Variants in OGG1 observed in about 807,000 individuals in gnomAD.
The protein encoded by OGG1 is 8-oxoguanine DNA glycosylase, also known as N-glycosylase/DNA lyase.
In OGG1, 35 loss-of-function variants were observed where a neutral mutation model predicts 42.3. The ratio of observed to expected loss-of-function variants is 0.83; its 90% CI spans 0.63 to 1.10. The LOEUF is 1.10. OGG1 is among the 50% of genes least tolerant of loss of function. The pLI is 0.00. For synonymous variants in OGG1, 189 were observed against 179.0 expected (o/e 1.06, Z -0.44); for missense variants, 484 against 446.7 (o/e 1.08, Z -0.75).
intron 3 of OGG1, chr3:9,786,928 T>C (rs931551202): frequency 7.4e-7 from 1 of 1,350,124 alleles, no homozygotes; most frequent in Non-Finnish European, 1.0e-6. Context: ...AAATGTATGA[T>C]AAATTCCGAT....
downstream of OGG1, chr3:9,762,060 C>G (rs2077903443): frequency 3.7e-6 from 1 of 272,304 alleles, no homozygotes; most frequent in South Asian, 4.8e-5. Flanking sequence ...TAATGCCATC[C>G]TCACTGCTTC....
In OGG1 at chr3:9,754,759, C is replaced by T. The variant is rs761255746; in HGVS notation, c.621C>T (p.Tyr207=). The change falls in exon 4 of 7, where the codon TAC becomes TAT. Residue 207 remains tyrosine, a synonymous_variant. Transcript: ENST00000344629. ...TGGGCCTGGGCTATCGTGCCCGTTACGTGAGTGCCAGTGCCCGAGCCATCC... is the reference window on the plus strand; with the variant it reads ...TGGGCCTGGGCTATCGTGCCCGTTATGTGAGTGCCAGTGCCCGAGCCATCC... The part of the protein sequence containing the change: ...RKLGLGYRAR[Y]VSASARAILE... The T allele has an allele frequency of 1.9e-5, 30 of 1,614,052 alleles. No homozygotes were observed. In the South Asian group the frequency reaches 1.9e-4, roughly 10 times the overall value.
chr3:9,777,787 C>CT (rs965148633), intron 2 of OGG1, among the ~76,000 whole-genome samples: 2 of 152,162 alleles, frequency 1.3e-5, no homozygotes, highest in African/African-American at 4.8e-5. Flanking sequence ...TGTCTCTGTT[C>CT]TTGGAACTCT....
At chr3:9,759,053 T>G, downstream of OGG1, 1 of 782,330 alleles carries the variant, frequency 1.3e-6, no homozygotes. Context: ...GCCCCTTACC[T>G]GCTTCTCTAA....
At position 9,774,183 on chromosome 3, in the gene OGG1, A is replaced by G. The variant is rs2125607064; in HGVS notation, c.295-7330A>G. Among the ~76,000 whole-genome samples, 4 of 152,240 alleles carry G rather than the reference A, an allele frequency of 2.6e-5. 1 individual carries two copies. In the South Asian group the frequency reaches 8.3e-4, roughly 32 times the overall value. On this transcript the variant is annotated intron_variant, in intron 2 of 3. Coordinates refer to the OGG1 transcript ENST00000426518. ...CAGCACTTTGGGAGGCCAAGGCAGAAGGATCACCTGAGGTCAGGAGTTCAA... is the reference window on the plus strand; with the variant it reads ...CAGCACTTTGGGAGGCCAAGGCAGAGGGATCACCTGAGGTCAGGAGTTCAA...
chr3:9,753,660 A>G (rs1253941989), intron 3 of OGG1, among the ~76,000 whole-genome samples: 2 of 152,060 alleles, frequency 1.3e-5, no homozygotes, highest in Non-Finnish European at 2.9e-5. Context: ...TCTCAACAAA[A>G]AAAAAAAGAA....
chr3:9,770,286 T>A (rs555867439), downstream of OGG1, among the ~76,000 whole-genome samples: 2 of 152,242 alleles, frequency 1.3e-5, no homozygotes, highest in South Asian at 4.1e-4. Flanking sequence ...CCTGGTGGAT[T>A]TTCTTTCAGA....
chr3:9,761,980 G>A (rs1374293269), downstream of OGG1: 2 of 564,814 alleles, frequency 3.5e-6, no homozygotes, highest in African/African-American at 1.9e-5. Flanking sequence ...AACCTCAGGT[G>A]TGCACTGTAA....
downstream of OGG1, among the ~76,000 whole-genome samples, chr3:9,766,987 T>C (rs1345309880): frequency 2.6e-5 from 4 of 152,068 alleles, no homozygotes; most frequent in Admixed American, 2.0e-4. Flanking sequence ...AGCCCCTTTT[T>C]CCACTCTCCC....
At chr3:9,785,023 A>G (rs2078574008) in intron 3 of OGG1, among the ~76,000 whole-genome samples, 1 of 152,174 alleles carries the variant, frequency 6.6e-6, no homozygotes, top group African/African-American at 2.4e-5. Context: ...TTGCAGCTAT[A>G]TGATTAATAG....
intron 2 of OGG1, among the ~76,000 whole-genome samples, chr3:9,776,301 T>TTCC (rs2078362577): frequency 1.3e-5 from 2 of 152,148 alleles, no homozygotes; most frequent in South Asian, 4.1e-4. Context: ...CCTGAAGCCT[T>TTCC]TCCTGACCCT....
Position 9,751,906 on chromosome 3 carries a change from T to G in OGG1, c.522T>G (p.Asp174Glu), listed in dbSNP as rs761983422. ...QAFGPRLIQL[D>E]DVTYHGFPSL... ...TTGGACCTCGGCTCATCCAGCTTGA[T>G]GATGTCACCTACCATGGCTTCCCCA... The change falls in exon 3 of 7, where the codon GAT (aspartate) becomes GAG (glutamate). Residue 174 changes from aspartate (D) to glutamate (E), a missense_variant. Coordinates refer to ENST00000344629, the MANE Select transcript of OGG1 (RefSeq NM_002542.6). 4 of 1,614,202 alleles carry G rather than the reference T, an allele frequency of 2.5e-6. No homozygotes were observed. Among genetic ancestry groups the G allele is most frequent in the Middle Eastern group, 1.7e-4 (1 of 6,060 alleles).
At chr3:9,789,563 G>C (rs1298589632), downstream of OGG1, 1 of 1,614,146 alleles carries the variant, frequency 6.2e-7, no homozygotes, top group South Asian at 1.1e-5. Flanking sequence ...CAAGTGTGCG[G>C]ACCTCCTCGC....
chr3:9,764,235 G>A (rs1389566275), intron 7 of OGG1, among the ~76,000 whole-genome samples: 1 of 152,222 alleles, frequency 6.6e-6, no homozygotes, highest in African/African-American at 2.4e-5. Flanking sequence ...CAGGTAAGGT[G>A]CTTGGCACAG....
chr3:9,757,472 G>A (rs868547975), downstream of OGG1: 1 of 1,602,964 alleles, frequency 6.2e-7, no homozygotes, highest in Non-Finnish European at 8.5e-7. The surrounding 1 kb of genome is among the most constrained non-coding windows in gnomAD (Gnocchi z 4.5). Flanking sequence ...CCGGTTCAGG[G>A]AGGGAAGGGG....
At chr3:9,778,989 C>T (rs2078402078) in intron 2 of OGG1, among the ~76,000 whole-genome samples, 2 of 152,168 alleles carry the variant, frequency 1.3e-5, no homozygotes, top group African/African-American at 4.8e-5. Context: ...CCTCAACCTT[C>T]CCACAGTAAA....
chr3:9,769,121 CCA>C (rs2078236390), downstream of OGG1, among the ~76,000 whole-genome samples: 1 of 152,008 alleles, frequency 6.6e-6, no homozygotes, highest in Non-Finnish European at 1.5e-5. Context: ...CATGTCCACA[CCA>C]CACAGTGCCC....
chr3:9,782,411 T>C (rs1322504311), intron 3 of OGG1, among the ~76,000 whole-genome samples: 6 of 152,214 alleles, frequency 3.9e-5, no homozygotes, highest in Non-Finnish European at 7.3e-5. Flanking sequence ...TCCTGGGTTG[T>C]TGTCAAGACA....
chr3:9,776,549 C>A (rs1393172873), intron 2 of OGG1, among the ~76,000 whole-genome samples: 6 of 152,042 alleles, frequency 3.9e-5, no homozygotes, highest in Non-Finnish European at 7.4e-5. Context: ...GCCACCACGC[C>A]CGGCTAATTT....
Sources: allele counts gnomAD v4.1 joint callset (sites outside exome capture counted in the v4.1 genomes callset), GRCh38; gene constraint gnomAD v4.1.1; non-coding constraint Gnocchi (gnomAD v3.1); transcripts MANE v1.5; gene names NCBI Gene and HGNC (gene_info 2026-07-23, HGNC 2026-07-21).